Variants in RYR2 observed in about 807,000 individuals in gnomAD.
RYR2 encodes the protein ryanodine receptor 2.
In RYR2, 227 loss-of-function variants were observed where a neutral mutation model predicts 601.1. That is an observed-to-expected ratio of 0.38 (90% confidence interval 0.34 to 0.42). The LOEUF (loss-of-function observed/expected upper bound fraction) is 0.42. Among genes scored for constraint, RYR2 ranks in the 10% least tolerant of loss-of-function variants. RYR2 has a pLI of 1.00. For missense variants in RYR2, 4,646 were observed against 6,156.5 expected (o/e 0.75, Z 8.21); for synonymous variants, 2,223 against 2,175.1 (o/e 1.02, Z -0.61).
chr1:237,170,828 T>G (rs990152005), intron 1 of RYR2, among the ~76,000 whole-genome samples: 2 of 152,024 alleles, frequency 1.3e-5, no homozygotes, highest in Admixed American at 1.3e-4. Flanking sequence ...AAACAGAATA[T>G]GTGTAGGTGT....
chr1:237,208,976 A>C (rs868734111), intron 1 of RYR2, among the ~76,000 whole-genome samples: 2 of 95,436 alleles, frequency 2.1e-5, no homozygotes, highest in Non-Finnish European at 4.3e-5. Flanking sequence ...ATATATATAT[A>C]TATATATATG....
chr1:237,698,879 A>G (rs1687723026), intron 63 of RYR2, 86 bp from the exon 64 acceptor site: 1 of 699,264 alleles, frequency 1.4e-6, no homozygotes, highest in Non-Finnish European at 2.4e-6. Flanking sequence ...GTCATTGACT[A>G]ATTTTTCTAG....
intron 1 of RYR2, among the ~76,000 whole-genome samples, chr1:237,142,940 A>T (rs912808122): frequency 6.6e-6 from 1 of 152,120 alleles, no homozygotes; most frequent in African/African-American, 2.4e-5. Context: ...CATGCATTAG[A>T]TGCCTGCCTG....
chr1:237,311,102 T>C (rs1694515383), intron 2 of RYR2, among the ~76,000 whole-genome samples: 1 of 152,202 alleles, frequency 6.6e-6, no homozygotes, highest in Non-Finnish European at 1.5e-5. Flanking sequence ...TATATTATTA[T>C]TAAGTATTCT....
At chr1:237,775,943 T>A (rs1362301543) in intron 87 of RYR2, among the ~76,000 whole-genome samples, 1 of 152,110 alleles carries the variant, frequency 6.6e-6, no homozygotes, top group East Asian at 1.9e-4. Context: ...AAAAAATGGG[T>A]ACTTTGGCTT....
intron 3 of RYR2, chr1:237,341,700 A>C (rs755009424): frequency 2.4e-5 from 12 of 507,388 alleles, no homozygotes; most frequent in Non-Finnish European, 4.7e-5. Flanking sequence ...TATAGACCAA[A>C]ATCAAGGGGC....
intron 2 of RYR2, among the ~76,000 whole-genome samples, chr1:237,328,006 T>C (rs140020961): frequency 1.5e-3 from 221 of 152,348 alleles, no homozygotes; most frequent in African/African-American, 5.1e-3. Context: ...AATGGCACGC[T>C]GGAAACAGCT....
intron 38 of RYR2, among the ~76,000 whole-genome samples, chr1:237,618,158 G>C (rs1678681626): frequency 6.6e-6 from 1 of 152,076 alleles, no homozygotes; most frequent in Admixed American, 6.5e-5. Flanking sequence ...AGCTCAGAAT[G>C]AAAGTGTTTA....
chr1:237,139,060 T>G (rs997478708), intron 1 of RYR2, among the ~76,000 whole-genome samples: 2 of 152,156 alleles, frequency 1.3e-5, no homozygotes, highest in Non-Finnish European at 2.9e-5. Flanking sequence ...AAAATATATA[T>G]CCACACAAAA....
At chr1:237,449,861 A>T (rs979816266) in intron 14 of RYR2, among the ~76,000 whole-genome samples, 11 of 151,458 alleles carry the variant, frequency 7.3e-5, no homozygotes, top group African/African-American at 2.4e-4. Flanking sequence ...AGACATTGTG[A>T]ATTTGTTAGG....
chr1:237,314,466 A>G (rs982270582), intron 2 of RYR2, among the ~76,000 whole-genome samples: 7 of 152,194 alleles, frequency 4.6e-5, no homozygotes, highest in Non-Finnish European at 1.5e-5. Flanking sequence ...TTTATAGCTA[A>G]AGGTTTAAAA....
intron 41 of RYR2, among the ~76,000 whole-genome samples, chr1:237,630,347 T>G (rs1300896246): frequency 6.6e-6 from 1 of 152,116 alleles, no homozygotes; most frequent in Non-Finnish European, 1.5e-5. Context: ...AAAGCTGCCC[T>G]TGTTTACCTT....
chr1:237,709,176 T>A, intron 69 of RYR2, 78 bp downstream of exon 69: 6 of 1,286,470 alleles, frequency 4.7e-6, no homozygotes, highest in Non-Finnish European at 6.4e-6. Flanking sequence ...GTTCAATCGC[T>A]TCATTCACTA....
At chr1:237,221,589 A>C (rs1342994971) in intron 1 of RYR2, among the ~76,000 whole-genome samples, 1 of 152,220 alleles carries the variant, frequency 6.6e-6, no homozygotes, top group African/African-American at 2.4e-5. Context: ...CCTGTATTTG[A>C]GTTAGTCACA....
intron 39 of RYR2, among the ~76,000 whole-genome samples, chr1:237,624,364 C>T (rs1057078526): frequency 6.6e-6 from 1 of 152,066 alleles, no homozygotes; most frequent in Non-Finnish European, 1.5e-5. Context: ...ACAAACAAAA[C>T]CCCCCAAAAC....
intron 24 of RYR2, among the ~76,000 whole-genome samples, chr1:237,512,443 C>T (rs567756571): frequency 6.6e-6 from 1 of 152,252 alleles, no homozygotes; most frequent in South Asian, 2.1e-4. Flanking sequence ...TGCTGATGGA[C>T]TTTTCAGAAC....
At chr1:237,184,571 A>G (rs1679136929) in intron 1 of RYR2, among the ~76,000 whole-genome samples, 1 of 152,196 alleles carries the variant, frequency 6.6e-6, no homozygotes, top group African/African-American at 2.4e-5. Context: ...GGCAGAGTAA[A>G]TAGTCTTTGA....
At chr1:237,617,233 C>T in intron 37 of RYR2, 53 bp from the exon 38 acceptor site, 1 of 1,447,086 alleles carries the variant, frequency 6.9e-7, no homozygotes, top group South Asian at 1.3e-5. Context: ...ATTTCATACA[C>T]ATTATTAAAG....
At position 237,784,287 on chromosome 1, in the gene RYR2, T is replaced by G; in HGVS notation, c.12575T>G (p.Phe4192Cys). ...GAGAAGATGGAACTCTTTGTGAACT[T>G]CTGCGAGGACACCATCTTTGAAATG... Reference protein sequence around the residue: ...EKEKMELFVNFCEDTIFEMQL... With the variant: ...EKEKMELFVNCCEDTIFEMQL... Residue 4192 changes from phenylalanine to cysteine, a missense_variant, in exon 90 of 105, where the codon TTC (phenylalanine) becomes TGC (cysteine). Physicochemically the swap from Phe to Cys is radical, Grantham distance 205 (BLOSUM62 -2). Transcript: ENST00000366574. This position sits in a 1 kb window ranked among gnomAD's most constrained non-coding sequence, Gnocchi z 7.1. The G allele has an allele frequency of 6.2e-7, 1 of 1,613,772 alleles. No homozygotes were observed. The highest frequency in any genetic ancestry group is 8.5e-7 in the Non-Finnish European group (1 of 1,179,842).
Sources: allele counts gnomAD v4.1 joint callset (sites outside exome capture counted in the v4.1 genomes callset), GRCh38; gene constraint gnomAD v4.1.1; non-coding constraint Gnocchi (gnomAD v3.1); transcripts MANE v1.5; gene names NCBI Gene and HGNC (gene_info 2026-07-23, HGNC 2026-07-21).